ADGRB1: variants seen among roughly 807,000 people sequenced by gnomAD.
ADGRB1 encodes the protein brain-specific angiogenesis inhibitor 1.
In ADGRB1, 36 loss-of-function variants were observed where a neutral mutation model predicts 175.7. That is an observed-to-expected ratio of 0.20 (90% CI 0.16 to 0.27). The LOEUF (loss-of-function observed/expected upper bound fraction) is 0.27, where lower values mean the gene tolerates loss of function less well. Among genes scored for constraint, ADGRB1 ranks in the 10% least tolerant of loss-of-function variants. The pLI, the probability that ADGRB1 is intolerant of heterozygous loss-of-function variation, is 1.00. For missense variants in ADGRB1, 1,731 were observed against 2,255.3 expected (o/e 0.77, Z 4.71); for synonymous variants, 1,054 against 979.4 (o/e 1.08, Z -1.42).
At chr8:142,491,793 G>T (rs59317811) in intron 17 of ADGRB1, among the ~76,000 whole-genome samples, 1 of 152,018 alleles carries the variant, frequency 6.6e-6, no homozygotes, top group Non-Finnish European at 1.5e-5. Flanking sequence ...CCTGGGTGCC[G>T]GTGGCACTTG....
At chr8:142,473,853 C>T (rs1316417082) in intron 2 of ADGRB1, among the ~76,000 whole-genome samples, 4 of 152,208 alleles carry the variant, frequency 2.6e-5, no homozygotes, top group Admixed American at 6.5e-5. Flanking sequence ...ATGCCCCTGG[C>T]ACCCCCTGCT....
intron 26 of ADGRB1, among the ~76,000 whole-genome samples, chr8:142,538,069 C>T (rs1845045666): frequency 6.6e-6 from 1 of 152,208 alleles, no homozygotes; most frequent in Admixed American, 6.5e-5. Context: ...GCTGGTCTTG[C>T]TCCTGCCCCT....
At chr8:142,519,657 A>G (rs1220065284) in intron 19 of ADGRB1, among the ~76,000 whole-genome samples, 1 of 113,682 alleles carries the variant, frequency 8.8e-6, no homozygotes, top group African/African-American at 3.8e-5. Context: ...GATTATGGTG[A>G]TGATGATGGT....
At position 142,451,744 on chromosome 8, in the gene ADGRB1, C is replaced by T. The variant is rs530014295; in HGVS notation, c.-220+1640C>T. On this transcript the variant is annotated intron_variant, in intron 1 of 30. Transcript: ENST00000517894. ...GGCGGGGGAAAGGGGAGCTGGGTCCCTTTTCTATCTGGGAGGGAGGTGGTA... is the reference window on the plus strand; with the variant it reads ...GGCGGGGGAAAGGGGAGCTGGGTCCTTTTTCTATCTGGGAGGGAGGTGGTA... Among the ~76,000 whole-genome samples, 11 of 152,216 alleles carry T rather than the reference C, an allele frequency of 7.2e-5. No individual in the cohort carries two copies. The South Asian group carries it at 1.0e-3, about 14-fold the overall frequency.
intron 18 of ADGRB1, among the ~76,000 whole-genome samples, chr8:142,516,941 T>TCG (rs2132086312): frequency 6.6e-6 from 1 of 152,322 alleles, no homozygotes; most frequent in East Asian, 1.9e-4. Flanking sequence ...GACTTCCCTG[T>TCG]CTGTCTTCAG....
At chr8:142,484,619 G>C (rs1435539774) in intron 12 of ADGRB1, 37 bp from the exon 13 acceptor site, 1 of 1,569,098 alleles carries the variant, frequency 6.4e-7, no homozygotes, top group Non-Finnish European at 8.7e-7. Context: ...GGACAGTGGG[G>C]CCTCCTCCCT....
intron 1 of ADGRB1, among the ~76,000 whole-genome samples, chr8:142,452,612 C>G (rs1351912089): frequency 1.3e-5 from 2 of 152,216 alleles, no homozygotes; most frequent in African/African-American, 2.4e-5. Context: ...CCAACGTGCC[C>G]GGTCCGCAGC....
At chr8:142,472,579 C>G (rs1219756399) in intron 2 of ADGRB1, among the ~76,000 whole-genome samples, 1 of 152,198 alleles carries the variant, frequency 6.6e-6, no homozygotes, top group Non-Finnish European at 1.5e-5. Flanking sequence ...TTGATACATT[C>G]ACTAGACAAA....
intron 17 of ADGRB1, among the ~76,000 whole-genome samples, chr8:142,499,709 C>T (rs558308817): frequency 3.9e-5 from 6 of 152,348 alleles, no homozygotes; most frequent in Middle Eastern, 3.4e-3. Context: ...GTCCCCATGC[C>T]GCCTTTTAGA....
chr8:142,518,373 A>C (rs13281922), intron 19 of ADGRB1, 132 bp downstream of exon 19: 933,534 of 933,544 alleles, frequency 1, 466,762 homozygotes, highest in Middle Eastern at 1. Flanking sequence ...TCACCTCCGC[A>C]TTTGCCACGG....
At chr8:142,459,288 C>T (rs557353301) in intron 1 of ADGRB1, among the ~76,000 whole-genome samples, 10 of 152,310 alleles carry the variant, frequency 6.6e-5, no homozygotes, top group South Asian at 2.1e-4. Context: ...GTCCAACCCC[C>T]GGGGCTCCCA....
chr8:142,511,219 C>T lies in ADGRB1; in HGVS notation c.2817+146C>T. On this transcript the variant is annotated intron_variant, in intron 18 of 30. Transcript: ENST00000517894. This position sits in a 1 kb window ranked among gnomAD's most constrained non-coding sequence, Gnocchi z 4.5. The stretch of plus-strand genomic sequence containing the variant: ...CGCAGCCGCCGTGGCCTGGCCCGGC[C>T]GGCGGGGTCCATGCGCCTCTGGAGA... 8.9e-6 allele frequency: 6 copies of T among 675,784 alleles called. No individual in the cohort carries two copies. The highest frequency in any genetic ancestry group is 1.1e-5 in the Non-Finnish European group (6 of 543,160). 41.9% of individuals were successfully genotyped at this position (675,784 alleles called of 1,614,324 possible).
chr8:142,467,031 C>T (rs1840316844), intron 2 of ADGRB1, among the ~76,000 whole-genome samples: 1 of 152,244 alleles, frequency 6.6e-6, no homozygotes, highest in South Asian at 2.1e-4. Context: ...GTGCTCGGAA[C>T]AGCGTGGAGC....
intron 17 of ADGRB1, among the ~76,000 whole-genome samples, chr8:142,495,098 C>T (rs577189105): frequency 2.7e-4 from 41 of 152,230 alleles, no homozygotes; most frequent in African/African-American, 8.4e-4. Flanking sequence ...GCAGTGATTA[C>T]GTGGCTGAAT....
chr8:142,456,344 C>G (rs572675301), intron 1 of ADGRB1, among the ~76,000 whole-genome samples: 2 of 152,292 alleles, frequency 1.3e-5, no homozygotes, highest in Non-Finnish European at 1.5e-5. Context: ...CACCTGCACA[C>G]ACGCATGTGC....
At position 142,526,601 on chromosome 8, in the gene ADGRB1, G is replaced by T. The variant is rs573077738; in HGVS notation, c.3372G>T (p.Thr1124=). ...AGCTCGTGTCCAAAGACGGCATCAC[G>T]GACAAGAAGCTGAAGGAGCGGGCAG... The part of the protein sequence containing the change: ...FNKLVSKDGI[T]DKKLKERAGA... The change falls in exon 24 of 31, where the codon ACG becomes ACT. Residue 1124 remains threonine (T), a synonymous_variant. Transcript: ENST00000517894. 1.4e-5 allele frequency: 22 copies of T among 1,581,506 alleles called. No homozygotes were observed. Among genetic ancestry groups the T allele is most frequent in the Non-Finnish European group, 1.6e-5 (18 of 1,160,200 alleles).
intron 1 of ADGRB1, among the ~76,000 whole-genome samples, chr8:142,458,274 G>A (rs1371019736): frequency 6.6e-6 from 1 of 152,218 alleles, no homozygotes; most frequent in Non-Finnish European, 1.5e-5. Context: ...CTGGTTGGAT[G>A]GTGGGGAAAC....
chr8:142,498,881 G>T (rs574862620), intron 17 of ADGRB1, among the ~76,000 whole-genome samples: 6 of 152,322 alleles, frequency 3.9e-5, no homozygotes, highest in African/African-American at 1.4e-4. Flanking sequence ...TGGAGGAGGG[G>T]ACAGGTGGGC....
intron 2 of ADGRB1, among the ~76,000 whole-genome samples, chr8:142,465,191 C>G (rs576356802): frequency 6.6e-6 from 1 of 152,290 alleles, no homozygotes; most frequent in South Asian, 2.1e-4. Context: ...TACCCTGGCA[C>G]CCTCCCAGGC....
Sources: allele counts gnomAD v4.1 joint callset (sites outside exome capture counted in the v4.1 genomes callset), GRCh38; gene constraint gnomAD v4.1.1; non-coding constraint Gnocchi (gnomAD v3.1); transcripts MANE v1.5; gene names NCBI Gene and HGNC (gene_info 2026-07-23, HGNC 2026-07-21).